SH3BP1: variants seen among roughly 807,000 people sequenced by gnomAD.
SH3BP1 encodes SH3 domain binding protein 1.
In SH3BP1, 46 loss-of-function variants were observed where a neutral mutation model predicts 69.8. The ratio of observed to expected loss-of-function variants is 0.66; its 90% CI spans 0.52 to 0.84. The LOEUF is 0.84. Ranked by LOEUF, SH3BP1 falls within the 40% of genes least tolerant of loss-of-function variation. The probability of loss-of-function intolerance (pLI) is 0.00; values close to 1 mark genes in which losing one functional copy is unlikely to be tolerated. For synonymous variants in SH3BP1, 403 were observed against 378.0 expected, an observed-to-expected ratio of 1.07 and a Z score of -0.77; for missense variants, 868 against 930.9, an observed-to-expected ratio of 0.93 and a Z score of 0.88.
Position 37,648,306 on chromosome 22 carries a change from C to G in SH3BP1, c.1200-13C>G. On this transcript the variant is annotated splice_polypyrimidine_tract_variant and intron_variant, in intron 13 of 17. Coordinates refer to ENST00000649765, the MANE Select transcript of SH3BP1 (RefSeq NM_018957.6). ...GCGTTCTGCCCCTGGCCTAAGCCTG[C>G]CTCCGCCCTTAGGTACCTGATGAAG... The G allele has an allele frequency of 6.4e-7, 1 of 1,567,430 alleles. No individual in the cohort carries two copies. Among genetic ancestry groups the G allele is most frequent in the Non-Finnish European group, 8.7e-7 (1 of 1,151,218 alleles).
chr22:37,655,722 TC>T lies in SH3BP1; in HGVS notation c.*41del. The T allele has an allele frequency of 7.5e-7, 1 of 1,327,812 alleles. No individual in the cohort carries two copies. The allele number at this position is 1,327,812 out of a possible 1,614,324, so 82.3% of individuals were successfully genotyped here. ...TCCCTAAGCAGCCCTCAGCACCCCC[TC>T]CCTCCCCACCTGGCCCTCCCAGGAC... is the stretch of plus-strand genomic sequence containing the variant. On this transcript the variant is annotated 3_prime_UTR_variant, in exon 18 of 18. Coordinates refer to ENST00000649765, the MANE Select transcript of SH3BP1 (RefSeq NM_018957.6).
At chr22:37,652,000 ACT>A (rs1330412159) in intron 16 of SH3BP1, among the ~76,000 whole-genome samples, 1 of 151,662 alleles carries the variant, frequency 6.6e-6, no homozygotes, top group Non-Finnish European at 1.5e-5. Flanking sequence ...CTTCTCACCC[ACT>A]CTCTGGCTTC....
chr22:37,652,562 G>C (rs930033604), intron 16 of SH3BP1, among the ~76,000 whole-genome samples: 4 of 150,580 alleles, frequency 2.7e-5, no homozygotes, highest in Admixed American at 2.0e-4. Flanking sequence ...GGTGGCTCAC[G>C]CCTGTAATCC....
intron 14 of SH3BP1, chr22:37,649,800 TAATAA>T (rs1932844719): frequency 3.1e-6 from 1 of 321,266 alleles, no homozygotes; most frequent in African/African-American, 2.1e-5. Context: ...AAAGAAGAAA[TAATAA>T]AATTAAAGTG....
At chr22:37,648,672 G>A (rs958476360) in intron 14 of SH3BP1, 12 of 468,456 alleles carry the variant, frequency 2.6e-5, no homozygotes, top group Non-Finnish European at 3.8e-5. Flanking sequence ...TAGTGGCATG[G>A]GGGAGCTGGG....
rs766207269 is a variant in SH3BP1, at chr22:37,655,973, G to C, written c.*289G>C. 2.0e-6 allele frequency: 3 copies of C among 1,536,832 alleles called. No individual in the cohort carries two copies. The highest frequency in any genetic ancestry group is 2.6e-6 in the Non-Finnish European group (3 of 1,141,022). On this transcript the variant is annotated 3_prime_UTR_variant, in exon 18 of 18. Coordinates refer to ENST00000649765, the MANE Select transcript of SH3BP1 (RefSeq NM_018957.6). ...GAAGGAGAGGTTTGCCTGCTCCTAC[G>C]GGACTGATTCTTCTCTTGCCGACAT...
At chr22:37,641,105 C>CG (rs780215970) in intron 1 of SH3BP1, 21 bp from the exon 2 acceptor site, 4 of 1,310,322 alleles carry the variant, frequency 3.1e-6, no homozygotes, top group South Asian at 1.4e-5. Flanking sequence ...CTCTCCCCCC[C>CG]CCCCCCACCA....
chr22:37,655,796 A>G lies in SH3BP1; in HGVS notation c.*112A>G. 4 of 1,448,866 alleles carry G rather than the reference A, an allele frequency of 2.8e-6. No homozygotes were observed. Among genetic ancestry groups the G allele is most frequent in the Non-Finnish European group, 3.6e-6 (4 of 1,106,968 alleles). The allele number at this position is 1,448,866 out of a possible 1,614,324, so 89.8% of individuals were successfully genotyped here. ...GCATGGGCCTCCAGCCTTTGCCCACAAGTGCCTCAGTGCCCACTGGGTCGG... is the reference window on the plus strand; with the variant it reads ...GCATGGGCCTCCAGCCTTTGCCCACGAGTGCCTCAGTGCCCACTGGGTCGG... On this transcript the variant is annotated 3_prime_UTR_variant, in exon 18 of 18. Transcript: ENST00000649765.
intron 11 of SH3BP1, 109 bp downstream of exon 11, chr22:37,647,038 G>A: frequency 1.3e-6 from 1 of 799,746 alleles, no homozygotes; most frequent in South Asian, 1.8e-5. Context: ...TGTTGAGACT[G>A]AGGACACTCG....
chr22:37,643,295 T>A, intron 6 of SH3BP1, 121 bp downstream of exon 6: 1 of 882,470 alleles, frequency 1.1e-6, no homozygotes, highest in Non-Finnish European at 1.8e-6. Flanking sequence ...ACAGTGTGTG[T>A]ACTTGTGCAC....
At chr22:37,644,788 G>A in intron 8 of SH3BP1, 82 bp from the exon 9 acceptor site, 2 of 1,603,500 alleles carry the variant, frequency 1.2e-6, no homozygotes, top group Non-Finnish European at 1.7e-6. Context: ...CTAAGATGGT[G>A]GAGGGGGCGT....
chr22:37,650,332 A>AC, intron 15 of SH3BP1, 83 bp downstream of exon 15: 6 of 1,524,420 alleles, frequency 3.9e-6, no homozygotes, highest in Non-Finnish European at 5.3e-6. Context: ...CAAACTCACC[A>AC]TAAGTCCAGG....
At chr22:37,643,516 G>A (rs537409504) in intron 6 of SH3BP1, 128 bp from the exon 7 acceptor site, 72 of 1,349,954 alleles carry the variant, frequency 5.3e-5, no homozygotes, top group South Asian at 2.5e-4. Context: ...CAGAGGCCCC[G>A]GCCAGTGGAG....
Position 37,642,560 on chromosome 22 carries a change from C to T in SH3BP1, c.229C>T (p.Leu77=), listed in dbSNP as rs140583465. The part of the protein sequence containing the change: ...KRVKKLPLMA[L]STTMAESFKE... ...GCAGAAGAAGCTTCCCCTCATGGCT[C>T]TGTCCACCACGATGGCTGAGAGCTT... is the stretch of plus-strand genomic sequence containing the variant. Residue 77 remains leucine, a synonymous_variant, in exon 4 of 18, where the codon CTG becomes TTG. Transcript: ENST00000649765. 7 of 1,613,218 alleles carry T rather than the reference C, an allele frequency of 4.3e-6. No homozygotes were observed. Among genetic ancestry groups the T allele is most frequent in the Admixed American group, 1.7e-5 (1 of 59,998 alleles).
At chr22:37,652,481 A>C (rs1932900110) in intron 16 of SH3BP1, among the ~76,000 whole-genome samples, 1 of 152,032 alleles carries the variant, frequency 6.6e-6, no homozygotes, top group South Asian at 2.1e-4. Context: ...TGCAGTGAGC[A>C]ATGATTGTGC....
chr22:37,651,755 C>T (rs1255261015), intron 16 of SH3BP1, among the ~76,000 whole-genome samples: 1 of 152,024 alleles, frequency 6.6e-6, no homozygotes, highest in African/African-American at 2.4e-5. Context: ...TCCTGATGAG[C>T]AAGACAAATG....
chr22:37,643,590 G>T, intron 6 of SH3BP1, 54 bp from the exon 7 acceptor site: 12 of 1,611,856 alleles, frequency 7.4e-6, no homozygotes, highest in Non-Finnish European at 1.0e-5. Flanking sequence ...GGGGACACTT[G>T]GCTCTGGACA....
At chr22:37,650,272 C>T (rs752889294) in intron 15 of SH3BP1, 23 bp downstream of exon 15, 36 of 1,579,874 alleles carry the variant, frequency 2.3e-5, no homozygotes, top group East Asian at 1.6e-4. Flanking sequence ...CCTGCATGGA[C>T]GCCCTGCTGG....
chr22:37,655,134 T>C, intron 17 of SH3BP1, 138 bp from the exon 18 acceptor site: 1 of 646,316 alleles, frequency 1.5e-6, no homozygotes, highest in Non-Finnish European at 2.5e-6. Context: ...GCCTAGACGA[T>C]GAGGAGCCAG....
Sources: allele counts gnomAD v4.1 joint callset (sites outside exome capture counted in the v4.1 genomes callset), GRCh38; gene constraint gnomAD v4.1.1; transcripts MANE v1.5; gene names NCBI Gene and HGNC (gene_info 2026-07-23, HGNC 2026-07-21).